PEBP4: variants seen among roughly 807,000 people sequenced by gnomAD.
PEBP4 encodes phosphatidylethanolamine binding protein 4.
A neutral mutation model predicts 23.9 loss-of-function variants in PEBP4; 22 were observed. That is an observed-to-expected ratio of 0.92 (90% CI 0.66 to 1.31). PEBP4 has a LOEUF of 1.31. Ranked by LOEUF, PEBP4 falls within the 40% of genes most tolerant of loss-of-function variation. PEBP4 has a pLI of 0.00. For synonymous variants in PEBP4, 112 were observed against 99.3 expected, an observed-to-expected ratio of 1.13 and a Z score of -0.76; for missense variants, 324 against 281.7, an observed-to-expected ratio of 1.15 and a Z score of -1.07.
At position 22,916,666 on chromosome 8, in the gene PEBP4, TCATG is replaced by T. The variant is rs139719259; in HGVS notation, c.258+3514_258+3517del. Reference sequence around the variant, plus strand: ...ACATGTCATTCATTCATTCATTCATTCATGCATTCATGCATTCATGCATTCACCT... The same window carrying T: ...ACATGTCATTCATTCATTCATTCATTCATTCATGCATTCATGCATTCACCT... On this transcript the variant is annotated intron_variant, in intron 3 of 6. Transcript: ENST00000256404. Among the ~76,000 whole-genome samples, 95 of 132,498 alleles carry T rather than the reference TCATG, an allele frequency of 7.2e-4. 1 individual carries two copies. The South Asian group carries it at 0.011, about 15-fold the overall frequency. The allele number at this position is 132,498 out of a possible 152,430, so 86.9% of individuals were successfully genotyped here.
chr8:22,873,455 C>T (rs1398925663), intron 3 of PEBP4, among the ~76,000 whole-genome samples: 3 of 148,980 alleles, frequency 2.0e-5, no homozygotes, highest in African/African-American at 4.9e-5. Context: ...GAGATACTAT[C>T]TGTGTGAAAA....
At position 22,778,386 on chromosome 8, in the gene PEBP4, T is replaced by A. The variant is rs77729570; in HGVS notation, c.357+39251A>T. 8.8e-4 allele frequency among the ~76,000 whole-genome samples: 125 copies of A among 142,138 alleles called. 3 individuals carry two copies. The highest frequency in any genetic ancestry group is 3.6e-3 in the Middle Eastern group (1 of 280). The allele number at this position is 142,138 out of a possible 152,430, so 93.2% of individuals were successfully genotyped here. On this transcript the variant is annotated intron_variant, in intron 4 of 6. Coordinates refer to ENST00000256404, the MANE Select transcript of PEBP4 (RefSeq NM_144962.3). ...AGTTATGGGGAGACAGAGCTTGAAC[T>A]TTTTTTTTTTTTTTTGAGATGGAGT... is the stretch of plus-strand genomic sequence containing the variant.
At chr8:22,714,416 G>A (rs1804372121) in intron 6 of PEBP4, among the ~76,000 whole-genome samples, 1 of 152,044 alleles carries the variant, frequency 6.6e-6, no homozygotes, top group Non-Finnish European at 1.5e-5. Flanking sequence ...TTGAATCTCA[G>A]ATAAATAGCA....
In PEBP4 at chr8:22,885,827, G is replaced by C. The variant is rs1293112000; in HGVS notation, c.258+34357C>G. 2.6e-5 allele frequency: 4 copies of C among 152,346 alleles called. No individual in the cohort carries two copies. The South Asian group carries it at 8.3e-4, about 32-fold the overall frequency. 9.4% of individuals were successfully genotyped at this position (152,346 alleles called of 1,614,324 possible). A position where few individuals can be genotyped will look rare whatever the true frequency, so the allele number is the denominator to read the frequency against. On this transcript the variant is annotated intron_variant, in intron 3 of 6. Coordinates refer to ENST00000256404, the MANE Select transcript of PEBP4 (RefSeq NM_144962.3). Reference sequence around the variant, plus strand: ...GCTCTGTGTCCCAGGCACACCGTCTGTGTGCAAGAGAAGGGGAGCACCTGA... The same window carrying C: ...GCTCTGTGTCCCAGGCACACCGTCTCTGTGCAAGAGAAGGGGAGCACCTGA...
chr8:22,733,382 C>A (rs1471901007), intron 4 of PEBP4, among the ~76,000 whole-genome samples: 4 of 152,176 alleles, frequency 2.6e-5, no homozygotes, highest in African/African-American at 7.2e-5. Flanking sequence ...TTTCTGAGGT[C>A]TTTCATAGAC....
chr8:22,915,404 C>A (rs1809051974), intron 3 of PEBP4, among the ~76,000 whole-genome samples: 1 of 138,136 alleles, frequency 7.2e-6, no homozygotes, highest in Non-Finnish European at 1.6e-5. Context: ...CCCGACCCAA[C>A]CACAAGCCTC....
At chr8:22,839,104 T>C (rs1807267987) in intron 3 of PEBP4, among the ~76,000 whole-genome samples, 1 of 152,212 alleles carries the variant, frequency 6.6e-6, no homozygotes, top group South Asian at 2.1e-4. Context: ...GGGATGGAGC[T>C]AGCAGCAGGT....
chr8:22,932,112 C>T (rs995012944), upstream of PEBP4, among the ~76,000 whole-genome samples: 13 of 152,340 alleles, frequency 8.5e-5, no homozygotes, highest in African/African-American at 3.1e-4. Flanking sequence ...GGGGAAAACA[C>T]TGTGCTAAGT....
chr8:22,898,613 G>A (rs11135684), intron 3 of PEBP4, among the ~76,000 whole-genome samples: 30,703 of 151,946 alleles, frequency 0.2, 4,327 homozygotes, highest in African/African-American at 0.4. Context: ...ATTCATGCCC[G>A]AGGGAATGTT....
intron 1 of PEBP4, among the ~76,000 whole-genome samples, chr8:22,935,084 A>C (rs1809516079): frequency 6.6e-6 from 1 of 152,262 alleles, no homozygotes; most frequent in African/African-American, 2.4e-5. Flanking sequence ...ACCTATATGC[A>C]CCAAACATCA....
intron 2 of PEBP4, among the ~76,000 whole-genome samples, chr8:22,920,977 A>T (rs1809187955): frequency 6.6e-6 from 1 of 150,832 alleles, no homozygotes; most frequent in East Asian, 1.9e-4. Flanking sequence ...GCTCCCTGAG[A>T]AGAAGGGCCC....
chr8:22,873,400 G>A (rs1378097232), intron 3 of PEBP4, among the ~76,000 whole-genome samples: 1 of 152,084 alleles, frequency 6.6e-6, no homozygotes, highest in East Asian at 1.9e-4. Context: ...AGCTCAAGGC[G>A]AGGAGGATTG....
intron 4 of PEBP4, among the ~76,000 whole-genome samples, chr8:22,770,412 T>C (rs956262837): frequency 1.3e-5 from 2 of 152,218 alleles, no homozygotes; most frequent in Admixed American, 1.3e-4. Flanking sequence ...AAATGCTGTG[T>C]GTTCGATGCC....
At chr8:22,939,940 AG>A (rs1445191180) in intron 1 of PEBP4, among the ~76,000 whole-genome samples, 5 of 152,220 alleles carry the variant, frequency 3.3e-5, no homozygotes, top group Non-Finnish European at 7.3e-5. Context: ...TTTCATTAAC[AG>A]ATGCACATTG....
At chr8:22,740,094 C>T (rs1804957890) in intron 4 of PEBP4, among the ~76,000 whole-genome samples, 1 of 152,116 alleles carries the variant, frequency 6.6e-6, no homozygotes, top group Non-Finnish European at 1.5e-5. Context: ...GGAGCCTCTT[C>T]TCTCCCTCCC....
chr8:22,786,503 C>A (rs1465838964), intron 4 of PEBP4, among the ~76,000 whole-genome samples: 1 of 151,572 alleles, frequency 6.6e-6, no homozygotes, highest in African/African-American at 2.4e-5. Context: ...AGGCTGGTCT[C>A]GAGCTCCTAG....
intron 1 of PEBP4, among the ~76,000 whole-genome samples, chr8:22,939,632 C>T (rs1222632170): frequency 4.0e-5 from 6 of 151,674 alleles, no homozygotes; most frequent in African/African-American, 1.5e-4. Flanking sequence ...AAGAGATGTT[C>T]GCTTTCCTTC....
chr8:22,880,069 C>G (rs567860526), intron 3 of PEBP4, among the ~76,000 whole-genome samples: 1 of 152,310 alleles, frequency 6.6e-6, no homozygotes, highest in South Asian at 2.1e-4. Context: ...GGGAATAGCT[C>G]TACCCAAAGT....
chr8:22,865,560 G>T lies in PEBP4; in HGVS notation c.259-47825C>A, dbSNP rs1410707778. 1.3e-5 allele frequency among the ~76,000 whole-genome samples: 2 copies of T among 152,160 alleles called. No individual in the cohort carries two copies. Among genetic ancestry groups the T allele is most frequent in the Non-Finnish European group, 2.9e-5 (2 of 68,020 alleles). On this transcript the variant is annotated intron_variant, in intron 3 of 6. Coordinates refer to ENST00000256404, the MANE Select transcript of PEBP4 (RefSeq NM_144962.3). This position sits in a 1 kb window ranked among gnomAD's most constrained non-coding sequence, Gnocchi z 6.9. The stretch of plus-strand genomic sequence containing the variant: ...AGGCGCTGCTGCCGGTGCCGGTGCC[G>T]CAGCCGCCGGGGAAGGAATTCCCTC...
Sources: gnomAD v4.1 joint callset for allele counts (sites outside exome capture counted in the v4.1 genomes callset) on GRCh38, gnomAD v4.1.1 for gene constraint, Gnocchi (gnomAD v3.1) non-coding constraint, MANE v1.5 for transcripts, NCBI Gene and HGNC (gene_info 2026-07-23, HGNC 2026-07-21) for gene names.